The following ADGRF5 variants were observed in gnomAD, a reference collection of about 807,000 sequenced individuals.
ADGRF5 encodes G-protein coupled receptor 116.
ADGRF5 carries 75 observed loss-of-function variants against 132.3 expected under a neutral mutation model. That is an observed-to-expected ratio of 0.57 (90% CI 0.47 to 0.69). The LOEUF is 0.69. Ranked by LOEUF, ADGRF5 falls within the 30% of genes least tolerant of loss-of-function variation. The pLI is 0.00. For missense variants in ADGRF5, 1,516 were observed against 1,630.6 expected, an observed-to-expected ratio of 0.93 and a Z score of 1.21; for synonymous variants, 629 against 597.6, an observed-to-expected ratio of 1.05 and a Z score of -0.77.
At chr6:46,898,984 G>A (rs1774466225) in intron 3 of ADGRF5, among the ~76,000 whole-genome samples, 1 of 152,200 alleles carries the variant, frequency 6.6e-6, no homozygotes, top group Non-Finnish European at 1.5e-5. Context: ...CTACAGAGAT[G>A]AGGAGAACGC....
chr6:46,940,276 G>C (rs893163306), intron 1 of ADGRF5, among the ~76,000 whole-genome samples: 2 of 152,224 alleles, frequency 1.3e-5, no homozygotes, highest in African/African-American at 4.8e-5. Context: ...TTTTCACATC[G>C]ATCTTTTACT....
chr6:46,914,788 T>A (rs1461352430), intron 1 of ADGRF5, among the ~76,000 whole-genome samples: 1 of 151,960 alleles, frequency 6.6e-6, no homozygotes, highest in Non-Finnish European at 1.5e-5. Context: ...CAGGGGTGCA[T>A]TCCAATTGCA....
chr6:46,862,052 G>A (rs1038081405), intron 15 of ADGRF5, among the ~76,000 whole-genome samples: 8 of 151,978 alleles, frequency 5.3e-5, no homozygotes, highest in African/African-American at 1.9e-4. Flanking sequence ...TACCTTGACA[G>A]CACCTATAAT....
rs561227120 is a variant in ADGRF5 at position 46,908,848 on chromosome 6, G to A, written c.-24-2062C>T. 7 of 152,246 alleles carry A rather than the reference G, an allele frequency of 4.6e-5. No individual in the cohort carries two copies. The East Asian group carries it at 5.8e-4, about 13-fold the overall frequency. The allele number at this position is 152,246 out of a possible 1,614,324, so 9.4% of individuals were successfully genotyped here. ...ATACAGTCATCAGTTACACACAAAT[G>A]TCAGGGATTCTTCACTCAAAAGAAA... On this transcript the variant is annotated intron_variant, in intron 1 of 20. Transcript: ENST00000283296.
At chr6:46,854,816 G>T (rs773596415) in intron 20 of ADGRF5, 69 of 1,195,254 alleles carry the variant, frequency 5.8e-5, no homozygotes, top group Non-Finnish European at 7.5e-5. Flanking sequence ...GTGCTTATGG[G>T]GCCCCCAAAC....
At chr6:46,900,889 T>C (rs940578032) in intron 2 of ADGRF5, among the ~76,000 whole-genome samples, 6 of 152,190 alleles carry the variant, frequency 3.9e-5, no homozygotes, top group Admixed American at 3.9e-4. Flanking sequence ...TGAGTTCAAA[T>C]CCTAGCTCCA....
At chr6:46,897,720 A>G (rs1774333819) in intron 3 of ADGRF5, among the ~76,000 whole-genome samples, 2 of 152,096 alleles carry the variant, frequency 1.3e-5, no homozygotes, top group South Asian at 4.1e-4. Context: ...GAATACGACT[A>G]TTTTTAGTAG....
At chr6:46,942,068 T>C (rs1168453402) in intron 1 of ADGRF5, among the ~76,000 whole-genome samples, 2 of 152,216 alleles carry the variant, frequency 1.3e-5, no homozygotes, top group Admixed American at 1.3e-4. Context: ...AAGCACTGTG[T>C]TCTCCAGTCT....
chr6:46,882,625 C>T (rs1772604921), intron 6 of ADGRF5, among the ~76,000 whole-genome samples: 1 of 152,218 alleles, frequency 6.6e-6, no homozygotes. Flanking sequence ...ACCCTCATGG[C>T]TGCCATACTG....
intron 4 of ADGRF5, chr6:46,887,115 C>T (rs1296758272): frequency 6.6e-6 from 1 of 152,146 alleles, no homozygotes; most frequent in Non-Finnish European, 1.5e-5. Context: ...AAACTCACAA[C>T]TAAAGCTCAA....
intron 10 of ADGRF5, among the ~76,000 whole-genome samples, chr6:46,877,432 T>A (rs529514059): frequency 6.6e-6 from 1 of 151,320 alleles, no homozygotes; most frequent in East Asian, 1.9e-4. Context: ...AGTCATATAA[T>A]CTGAACCTCA....
chr6:46,855,407 A>T (rs1768930398), intron 20 of ADGRF5, among the ~76,000 whole-genome samples: 1 of 152,242 alleles, frequency 6.6e-6, no homozygotes, highest in African/African-American at 2.4e-5. Context: ...TTTATAAATG[A>T]GGAAGTGAGT....
intron 14 of ADGRF5, among the ~76,000 whole-genome samples, chr6:46,864,464 CTT>C (rs1358697132): frequency 6.6e-6 from 1 of 152,076 alleles, no homozygotes; most frequent in Non-Finnish European, 1.5e-5. Context: ...TGGTAAACTC[CTT>C]TAGCAGAGCT....
chr6:46,920,787 C>T (rs1208446979), intron 1 of ADGRF5, among the ~76,000 whole-genome samples: 3 of 151,998 alleles, frequency 2.0e-5, no homozygotes, highest in Admixed American at 6.6e-5. Context: ...CGTTTGAACC[C>T]GGGAGGCAGA....
chr6:46,917,982 G>A (rs1424113076), intron 1 of ADGRF5, among the ~76,000 whole-genome samples: 2 of 152,242 alleles, frequency 1.3e-5, no homozygotes, highest in African/African-American at 4.8e-5. Flanking sequence ...AGTCTGAGCT[G>A]ATTAAGAGAA....
intron 1 of ADGRF5, among the ~76,000 whole-genome samples, chr6:46,940,879 G>A (rs1377583392): frequency 2.0e-5 from 3 of 151,906 alleles, no homozygotes; most frequent in Non-Finnish European, 4.4e-5. Context: ...GAAGATAAGG[G>A]ATTTAGTAAT....
chr6:46,854,604 G>C (rs1366860722), intron 20 of ADGRF5: 6 of 535,832 alleles, frequency 1.1e-5, no homozygotes, highest in Non-Finnish European at 2.0e-5. Flanking sequence ...AGCAAGGAAG[G>C]CAGCCTCAGA....
rs529708850 is a variant in ADGRF5 at position 46,885,700 on chromosome 6, C to A, written c.329-1429G>T. Among the ~76,000 whole-genome samples the A allele has an allele frequency of 5.3e-5, 8 of 152,286 alleles. No homozygotes were observed. The East Asian group carries it at 9.6e-4, about 18-fold the overall frequency. On this transcript the variant is annotated intron_variant, in intron 4 of 20. Transcript: ENST00000283296. ...CATCTCCCAGAGTGAGCAAAAAGGA[C>A]CAATGCTTCCTTTCTACATGTTAAA...
chr6:46,935,675 C>T (rs942947008), intron 1 of ADGRF5, among the ~76,000 whole-genome samples: 10 of 152,206 alleles, frequency 6.6e-5, no homozygotes, highest in Non-Finnish European at 1.5e-4. Flanking sequence ...TGTTGCCTTT[C>T]TCCTTTTCCC....
Sources: gnomAD v4.1 joint callset for allele counts (sites outside exome capture counted in the v4.1 genomes callset) on GRCh38, gnomAD v4.1.1 for gene constraint, MANE v1.5 for transcripts, NCBI Gene and HGNC (gene_info 2026-07-23, HGNC 2026-07-21) for gene names.